PLXNA4: variants seen among roughly 807,000 people sequenced by gnomAD.
PLXNA4 encodes the protein plexin A4.
A neutral mutation model predicts 191.8 loss-of-function variants in PLXNA4; 44 were observed. That is an observed-to-expected ratio of 0.23 (90% CI 0.18 to 0.29). The LOEUF is 0.29. PLXNA4 is among the 10% of genes least tolerant of loss of function. The pLI, the probability that PLXNA4 is intolerant of heterozygous loss-of-function variation, is 1.00. For synonymous variants in PLXNA4, 1,082 were observed against 1,009.5 expected, an observed-to-expected ratio of 1.07 and a Z score of -1.36; for missense variants, 1,800 against 2,488.8, an observed-to-expected ratio of 0.72 and a Z score of 5.89.
chr7:132,608,705 C>T (rs1802989213), intron 2 of PLXNA4, among the ~76,000 whole-genome samples: 1 of 152,100 alleles, frequency 6.6e-6, no homozygotes. Context: ...CGCACTCCTG[C>T]GACAGCCTAA....
intron 3 of PLXNA4, among the ~76,000 whole-genome samples, chr7:132,352,581 G>A (rs1009844432): frequency 1.3e-5 from 2 of 152,130 alleles, no homozygotes; most frequent in African/African-American, 4.8e-5. Flanking sequence ...GACCCTCAGG[G>A]GCACGTGGTA....
At chr7:132,214,317 C>T (rs147775963) in intron 9 of PLXNA4, among the ~76,000 whole-genome samples, 5 of 152,156 alleles carry the variant, frequency 3.3e-5, no homozygotes, top group Non-Finnish European at 7.4e-5. Context: ...GATGAGTTCT[C>T]TAATGAGTCC....
rs937377281 is a variant in PLXNA4, at chr7:132,365,371, G to A, written c.1372-67149C>T. Reference sequence around the variant, plus strand: ...TGTGTGTGTGTGTGTGCGTGCGCGCGCATGCATGGGGCAAGAGTGTGATGG... The same window carrying A: ...TGTGTGTGTGTGTGTGCGTGCGCGCACATGCATGGGGCAAGAGTGTGATGG... On this transcript the variant is annotated intron_variant, in intron 3 of 31. Transcript: ENST00000321063. Among the ~76,000 whole-genome samples, 8 of 151,504 alleles carry A rather than the reference G, an allele frequency of 5.3e-5. No homozygotes were observed. In the East Asian group the frequency reaches 5.8e-4, roughly 11 times the overall value.
chr7:132,258,597 C>T (rs1214001834), intron 4 of PLXNA4, among the ~76,000 whole-genome samples: 1 of 152,212 alleles, frequency 6.6e-6, no homozygotes, highest in Admixed American at 6.5e-5. Flanking sequence ...CACTCTCCTC[C>T]TTCCTGTCCC....
rs1414106820 is a variant in PLXNA4, at chr7:132,124,831, CAG to C, written c.*5646_*5647del. On this transcript the variant is annotated 3_prime_UTR_variant, in exon 32 of 32. Transcript: ENST00000321063. ...ACCTCACTACCTCTGCCAATACAAA[CAG>C]AAAGTTCTTTTTGTATATGAAGGAT... 4 of 152,200 alleles carry C rather than the reference CAG, an allele frequency of 2.6e-5. No homozygotes were observed. The highest frequency in any genetic ancestry group is 7.2e-5 in the African/African-American group (3 of 41,450). The allele number at this position is 152,200 out of a possible 1,614,324, so 9.4% of individuals were successfully genotyped here. A position where few individuals can be genotyped will look rare whatever the true frequency, so the allele number is the denominator to read the frequency against.
intron 1 of PLXNA4, among the ~76,000 whole-genome samples, chr7:132,537,533 C>A (rs1012132244): frequency 1.3e-5 from 2 of 152,204 alleles, no homozygotes; most frequent in Admixed American, 6.5e-5. Flanking sequence ...GCTTTAAGGG[C>A]TTTAGCTAGG....
chr7:132,231,559 G>A (rs1238651030), intron 5 of PLXNA4, among the ~76,000 whole-genome samples: 1 of 152,114 alleles, frequency 6.6e-6, no homozygotes, highest in Non-Finnish European at 1.5e-5. Context: ...CAAGTAGCTG[G>A]GACTACAGGC....
At chr7:132,452,830 C>T (rs143181561) in intron 3 of PLXNA4, among the ~76,000 whole-genome samples, 3 of 152,278 alleles carry the variant, frequency 2.0e-5, no homozygotes, top group African/African-American at 7.2e-5. Flanking sequence ...TAATTACATC[C>T]CTCCATTGGC....
At chr7:132,473,318 G>A (rs546737981) in intron 3 of PLXNA4, among the ~76,000 whole-genome samples, 1 of 152,142 alleles carries the variant, frequency 6.6e-6, no homozygotes, top group Admixed American at 6.5e-5. Context: ...AGTGTGTCTG[G>A]TGGTCAGATT....
At chr7:132,396,576 C>T (rs762167160) in intron 3 of PLXNA4, among the ~76,000 whole-genome samples, 6 of 152,314 alleles carry the variant, frequency 3.9e-5, no homozygotes, top group East Asian at 1.9e-4. Flanking sequence ...CTACAACCTC[C>T]GCCTCCCAGG....
intron 2 of PLXNA4, among the ~76,000 whole-genome samples, chr7:132,641,617 G>T (rs148921768): frequency 6.6e-5 from 10 of 152,298 alleles, no homozygotes; most frequent in African/African-American, 2.2e-4. Context: ...CTTTGCAAGA[G>T]AATAGTGATC....
At chr7:132,543,546 A>T (rs1262646916) in intron 1 of PLXNA4, among the ~76,000 whole-genome samples, 2 of 152,244 alleles carry the variant, frequency 1.3e-5, no homozygotes, top group Non-Finnish European at 2.9e-5. Context: ...TAGGAAGGTC[A>T]GTCAATTGAA....
At chr7:132,611,803 C>G (rs1803051287) in intron 2 of PLXNA4, among the ~76,000 whole-genome samples, 1 of 152,136 alleles carries the variant, frequency 6.6e-6, no homozygotes, top group South Asian at 2.1e-4. Context: ...ATGCTCTCAG[C>G]TAAAAAGAGA....
chr7:132,385,866 A>G (rs1236804799), intron 3 of PLXNA4, among the ~76,000 whole-genome samples: 3 of 152,264 alleles, frequency 2.0e-5, no homozygotes, highest in African/African-American at 7.2e-5. Flanking sequence ...AATCATAAGC[A>G]CAAATCAAAA....
At chr7:132,460,354 GAC>G (rs1462714555) in intron 3 of PLXNA4, among the ~76,000 whole-genome samples, 1 of 149,746 alleles carries the variant, frequency 6.7e-6, no homozygotes, top group African/African-American at 2.5e-5. Context: ...GACAGACTGA[GAC>G]ACTGTCTCAA....
intron 1 of PLXNA4, among the ~76,000 whole-genome samples, chr7:132,647,421 A>G (rs1378695880): frequency 6.6e-6 from 1 of 152,098 alleles, no homozygotes; most frequent in Non-Finnish European, 1.5e-5. Flanking sequence ...TCATACAATC[A>G]CACTATCATA....
intron 3 of PLXNA4, among the ~76,000 whole-genome samples, chr7:132,360,056 T>G (rs945296684): frequency 3.3e-5 from 5 of 152,208 alleles, no homozygotes; most frequent in Non-Finnish European, 7.3e-5. Flanking sequence ...GAAGGGTAAT[T>G]ATAATGTTTA....
intron 17 of PLXNA4, 79 bp from the exon 18 acceptor site, chr7:132,181,699 T>A: frequency 6.4e-7 from 1 of 1,561,306 alleles, no homozygotes; most frequent in South Asian, 1.2e-5. Context: ...TGGGCCTCCC[T>A]GGATGTCATC....
intron 2 of PLXNA4, among the ~76,000 whole-genome samples, chr7:132,617,858 T>G (rs2116862604): frequency 6.6e-6 from 1 of 152,356 alleles, no homozygotes; most frequent in East Asian, 1.9e-4. Flanking sequence ...AATCTTTTTC[T>G]CTGCAGGTCT....
Sources: allele counts gnomAD v4.1 joint callset (sites outside exome capture counted in the v4.1 genomes callset), GRCh38; gene constraint gnomAD v4.1.1; transcripts MANE v1.5; gene names NCBI Gene and HGNC (gene_info 2026-07-23, HGNC 2026-07-21).